Variants in MID1 observed in about 807,000 individuals in gnomAD.
The protein encoded by MID1 is E3 ubiquitin-protein ligase Midline-1.
A neutral mutation model predicts 40.4 loss-of-function variants in MID1; 7 were observed. The observed-to-expected ratio is 0.17, with a 90% CI of 0.10 to 0.33. The LOEUF (loss-of-function observed/expected upper bound fraction) is 0.33, where lower values mean the gene tolerates loss of function less well. MID1 is among the 10% of genes least tolerant of loss of function. The probability of loss-of-function intolerance (pLI) is 1.00; values close to 1 mark genes in which losing one functional copy is unlikely to be tolerated. For missense variants in MID1, 367 were observed against 558.5 expected (o/e 0.66, Z 3.46); for synonymous variants, 229 against 221.2 (o/e 1.04, Z -0.31).
At chrX:10,655,866 T>A (rs2042867675) in intron 1 of MID1, among the ~76,000 whole-genome samples, 1 of 110,621 alleles carries the variant, frequency 9.0e-6, no homozygotes. Context: ...GTTTTCTAGA[T>A]CCACCAGCCC....
intron 3 of MID1, chrX:10,501,276 C>T (rs1229586570): frequency 1.7e-6 from 1 of 587,750 alleles, no homozygotes; most frequent in East Asian, 3.7e-5. Context: ...AGGCTAGGCT[C>T]CTCAATACTA....
At chrX:10,600,685 G>A (rs963596809) in intron 1 of MID1, among the ~76,000 whole-genome samples, 1 of 111,954 alleles carries the variant, frequency 8.9e-6, no homozygotes, top group African/African-American at 3.3e-5. Flanking sequence ...TCCTGCTTCT[G>A]AACATCAGGG....
At chrX:10,535,158 G>C (rs922614000) in intron 2 of MID1, among the ~76,000 whole-genome samples, 42 of 111,538 alleles carry the variant, frequency 3.8e-4, no homozygotes, top group African/African-American at 1.3e-3. Flanking sequence ...CAATCACCTG[G>C]ATCTATCCTC....
chrX:10,734,670 A>G (rs988728523), intron 1 of MID1, among the ~76,000 whole-genome samples: 1 of 111,623 alleles, frequency 9.0e-6, no homozygotes, highest in African/African-American at 3.3e-5. Flanking sequence ...GAATCTGAAA[A>G]TATCACACCA....
rs781211010 is a variant in MID1 at position 10,591,319 on chromosome X, A to G, written c.-56-23716T>C. 8.9e-5 allele frequency among the ~76,000 whole-genome samples: 10 copies of G among 112,368 alleles called. No homozygotes were observed. The East Asian group carries it at 2.8e-3, about 31-fold the overall frequency. Reference sequence around the variant, plus strand: ...GATATGTTGGTTCTCTCTTTTACGTAGCTCCTTTAGCTTGTCCTTATATAA... The same window carrying G: ...GATATGTTGGTTCTCTCTTTTACGTGGCTCCTTTAGCTTGTCCTTATATAA... On this transcript the variant is annotated intron_variant, in intron 1 of 9. Transcript: ENST00000317552.
chrX:10,527,038 T>C (rs1236495736), intron 2 of MID1, among the ~76,000 whole-genome samples: 1 of 111,759 alleles, frequency 8.9e-6, no homozygotes, highest in Non-Finnish European at 1.9e-5. Flanking sequence ...TCCTGTGTGG[T>C]AGTGGTCAGC....
At chrX:10,531,245 AT>A (rs1932962221) in intron 2 of MID1, among the ~76,000 whole-genome samples, 1 of 112,461 alleles carries the variant, frequency 8.9e-6, no homozygotes, top group African/African-American at 3.2e-5. Flanking sequence ...TGCCACTTGT[AT>A]AAAAGCATAA....
At chrX:10,720,183 C>A (rs747132087) in intron 1 of MID1, among the ~76,000 whole-genome samples, 7 of 111,561 alleles carry the variant, frequency 6.3e-5, no homozygotes, top group African/African-American at 1.6e-4. Context: ...GCAACAAAAG[C>A]GAAAATTGAC....
chrX:10,802,943 A>C (rs956009733), intron 1 of MID1, among the ~76,000 whole-genome samples: 3 of 111,757 alleles, frequency 2.7e-5, no homozygotes, highest in Non-Finnish European at 5.6e-5. Context: ...CAAATACCAC[A>C]TGTTCTCACT....
chrX:10,695,998 C>T (rs989595078), intron 1 of MID1, among the ~76,000 whole-genome samples: 2 of 111,402 alleles, frequency 1.8e-5, no homozygotes, highest in African/African-American at 6.5e-5. Context: ...GTCAGGCAAC[C>T]ATCAGGTGAT....
At chrX:10,738,195 A>G (rs1445331219) in intron 1 of MID1, among the ~76,000 whole-genome samples, 3 of 112,238 alleles carry the variant, frequency 2.7e-5, no homozygotes, top group Non-Finnish European at 5.6e-5. Flanking sequence ...AATGAATTGT[A>G]AAAAACATTA....
chrX:10,589,112 G>C (rs1208049958), intron 1 of MID1, among the ~76,000 whole-genome samples: 2 of 111,885 alleles, frequency 1.8e-5, no homozygotes, highest in African/African-American at 6.5e-5. Context: ...CACTTTTGCA[G>C]TTTACACCAA....
chrX:10,452,569 A>C (rs1414722841), intron 9 of MID1, among the ~76,000 whole-genome samples: 2 of 112,179 alleles, frequency 1.8e-5, no homozygotes, highest in Non-Finnish European at 3.8e-5. Flanking sequence ...AGTCAGGACT[A>C]TATTTCATAA....
intron 2 of MID1, among the ~76,000 whole-genome samples, chrX:10,533,910 C>G (rs765352457): frequency 9.0e-6 from 1 of 111,358 alleles, no homozygotes; most frequent in Admixed American, 9.5e-5. Flanking sequence ...TCCTACCACT[C>G]TGCAAATAAA....
chrX:10,756,508 G>A (rs976500298), intron 1 of MID1, among the ~76,000 whole-genome samples: 2 of 111,163 alleles, frequency 1.8e-5, no homozygotes, highest in Non-Finnish European at 3.8e-5. Context: ...TTCCAAGCAG[G>A]GAGGACCTTT....
chrX:10,766,113 A>T (rs1206370826), intron 1 of MID1, among the ~76,000 whole-genome samples: 1 of 111,488 alleles, frequency 9.0e-6, no homozygotes, highest in African/African-American at 3.3e-5. Flanking sequence ...GGCAGGGTGC[A>T]GCCCTGAGGG....
intron 1 of MID1, among the ~76,000 whole-genome samples, chrX:10,737,821 CAG>C: frequency 9.1e-6 from 1 of 109,684 alleles, no homozygotes; most frequent in East Asian, 2.9e-4. Flanking sequence ...ACCAGAGAGA[CAG>C]AAATAAAATT....
At chrX:10,550,889 C>T (rs1933880883) in intron 2 of MID1, among the ~76,000 whole-genome samples, 1 of 110,914 alleles carries the variant, frequency 9.0e-6, no homozygotes, top group African/African-American at 3.3e-5. Flanking sequence ...CTCATGATAC[C>T]TTACCATCCT....
intron 4 of MID1, among the ~76,000 whole-genome samples, chrX:10,492,968 C>T (rs1375880117): frequency 2.7e-5 from 3 of 111,859 alleles, no homozygotes; most frequent in Non-Finnish European, 5.6e-5. Context: ...ATGAGAGAAA[C>T]CCTGGTGGTG....
Sources: allele counts gnomAD v4.1 joint callset (sites outside exome capture counted in the v4.1 genomes callset), GRCh38; gene constraint gnomAD v4.1.1; transcripts MANE v1.5; gene names NCBI Gene and HGNC (gene_info 2026-07-23, HGNC 2026-07-21).